BACH2: variants seen among roughly 807,000 people sequenced by gnomAD.
BACH2 encodes transcription regulator protein BACH2.
BACH2 carries 5 observed loss-of-function variants against 61.8 expected under a neutral mutation model. The ratio of observed to expected loss-of-function variants is 0.08; its 90% confidence interval spans 0.04 to 0.17. The LOEUF (loss-of-function observed/expected upper bound fraction) is 0.17, where lower values mean the gene tolerates loss of function less well. BACH2 is among the 10% of genes least tolerant of loss of function. The pLI is 1.00. For missense variants in BACH2, 824 were observed against 1,091.1 expected (o/e 0.76, Z 3.45); for synonymous variants, 446 against 440.1 (o/e 1.01, Z -0.17).
intron 5 of BACH2, among the ~76,000 whole-genome samples, chr6:90,034,663 A>G (rs1204606492): frequency 6.6e-6 from 1 of 152,198 alleles, no homozygotes. Context: ...ACTGATTTCT[A>G]TAATTACAGA....
chr6:90,285,828 A>C (rs1359989412), intron 1 of BACH2, among the ~76,000 whole-genome samples: 1 of 152,202 alleles, frequency 6.6e-6, no homozygotes, highest in Non-Finnish European at 1.5e-5. Context: ...GTCAGCAAGC[A>C]CTGCTGGTAG....
chr6:90,092,315 T>TATATATATATAC (rs142761642), intron 4 of BACH2, among the ~76,000 whole-genome samples: 1,979 of 110,302 alleles, frequency 0.018, 35 homozygotes, highest in East Asian at 0.065. Flanking sequence ...TATATATATA[T>TATATATATATAC]ACACACACAC....
At chr6:90,179,029 C>T (rs1035764875) in intron 4 of BACH2, among the ~76,000 whole-genome samples, 3 of 152,150 alleles carry the variant, frequency 2.0e-5, no homozygotes, top group Admixed American at 6.5e-5. Context: ...TATGTTCTCC[C>T]CTTTTTACAG....
chr6:89,927,986 G>A lies in BACH2; in HGVS notation c.*4422C>T, dbSNP rs185638578. The A allele has an allele frequency of 2.6e-5, 4 of 152,448 alleles. No homozygotes were observed. The highest frequency in any genetic ancestry group is 1.9e-4 in the East Asian group (1 of 5,320). 9.4% of individuals were successfully genotyped at this position (152,448 alleles called of 1,614,324 possible). The stretch of plus-strand genomic sequence containing the variant: ...CAACACACAATGCCTCGTGCACACA[G>A]ATTTCCTGTATGAATACCAACTCCA... On this transcript the variant is annotated 3_prime_UTR_variant, in exon 9 of 9. Coordinates refer to ENST00000257749, the MANE Select transcript of BACH2 (RefSeq NM_021813.4).
At chr6:89,955,291 G>A (rs1774363771) in intron 6 of BACH2, among the ~76,000 whole-genome samples, 1 of 152,210 alleles carries the variant, frequency 6.6e-6, no homozygotes, top group Non-Finnish European at 1.5e-5. Context: ...AGAGATCTAA[G>A]ATTTAGCTTT....
chr6:90,142,681 T>C (rs1458158636), intron 4 of BACH2, among the ~76,000 whole-genome samples: 2 of 152,184 alleles, frequency 1.3e-5, no homozygotes, highest in Non-Finnish European at 2.9e-5. Flanking sequence ...ATATTTCATG[T>C]ATACACAATG....
intron 8 of BACH2, among the ~76,000 whole-genome samples, chr6:89,936,930 T>C (rs1170647446): frequency 1.3e-5 from 2 of 152,066 alleles, no homozygotes; most frequent in Non-Finnish European, 2.9e-5. Context: ...GACACAGACA[T>C]GGCACCTGAG....
At chr6:90,037,771 G>A (rs1779331641) in intron 5 of BACH2, among the ~76,000 whole-genome samples, 1 of 152,282 alleles carries the variant, frequency 6.6e-6, no homozygotes, top group African/African-American at 2.4e-5. Context: ...TAATATCATT[G>A]CAGATGTAAT....
chr6:90,220,782 A>C (rs1415389809), intron 3 of BACH2, among the ~76,000 whole-genome samples: 1 of 152,226 alleles, frequency 6.6e-6, no homozygotes, highest in Non-Finnish European at 1.5e-5. Context: ...GCCAAGAAAA[A>C]CAATAACAGC....
chr6:90,265,231 A>G (rs1771285342), intron 2 of BACH2, among the ~76,000 whole-genome samples: 1 of 152,204 alleles, frequency 6.6e-6, no homozygotes, highest in African/African-American at 2.4e-5. Flanking sequence ...GAGAGAGAGC[A>G]TGGTGGAGGA....
At chr6:90,134,202 T>C (rs1020336943) in intron 4 of BACH2, among the ~76,000 whole-genome samples, 5 of 152,196 alleles carry the variant, frequency 3.3e-5, no homozygotes, top group Non-Finnish European at 7.3e-5. Context: ...CCAGCACCTG[T>C]TGTTTCCTGA....
chr6:90,231,680 T>C (rs1258891085), intron 3 of BACH2, among the ~76,000 whole-genome samples: 1 of 152,214 alleles, frequency 6.6e-6, no homozygotes, highest in Non-Finnish European at 1.5e-5. Flanking sequence ...CAATTTGAAA[T>C]GTCAGCTGCC....
intron 5 of BACH2, among the ~76,000 whole-genome samples, chr6:90,061,969 G>A (rs1032115703): frequency 6.6e-6 from 1 of 152,202 alleles, no homozygotes; most frequent in Non-Finnish European, 1.5e-5. Flanking sequence ...AAAGGGAGCA[G>A]TAAAGTGGAG....
At chr6:89,992,117 C>T (rs1414313969) in intron 6 of BACH2, among the ~76,000 whole-genome samples, 3 of 152,156 alleles carry the variant, frequency 2.0e-5, no homozygotes, top group African/African-American at 7.2e-5. Context: ...TCTGTTGCCA[C>T]CTACTTTCTA....
chr6:90,094,176 C>T (rs1431440582), intron 4 of BACH2, among the ~76,000 whole-genome samples: 1 of 152,168 alleles, frequency 6.6e-6, no homozygotes, highest in African/African-American at 2.4e-5. Flanking sequence ...AAGTGGGTCT[C>T]CAGCTGCAAA....
Position 90,296,556 on chromosome 6 carries a change from CGGCGAGGTG to C in BACH2, c.-531_-523del, listed in dbSNP as rs1772401211. 1 of 151,838 alleles carries C rather than the reference CGGCGAGGTG, an allele frequency of 6.6e-6. No homozygotes were observed. Among genetic ancestry groups the C allele is most frequent in the South Asian group, 2.1e-4 (1 of 4,830 alleles). The allele number at this position is 151,838 out of a possible 1,614,324, so 9.4% of individuals were successfully genotyped here. On this transcript the variant is annotated 5_prime_UTR_variant, in exon 1 of 9. Transcript: ENST00000257749. The stretch of plus-strand genomic sequence containing the variant: ...CGGCTCGCAGCCCCCTCCCGGCAGC[CGGCGAGGTG>C]GGCAGTTCGTGGGTCACCGAAAGCT...
At chr6:89,998,062 A>G (rs2127777234) in intron 6 of BACH2, among the ~76,000 whole-genome samples, 1 of 152,344 alleles carries the variant, frequency 6.6e-6, no homozygotes, top group African/African-American at 2.4e-5. Flanking sequence ...AGATAAAATG[A>G]AATAGGTATT....
intron 4 of BACH2, among the ~76,000 whole-genome samples, chr6:90,118,888 T>C (rs1582385459): frequency 6.6e-6 from 1 of 152,134 alleles, no homozygotes; most frequent in Non-Finnish European, 1.5e-5. Context: ...ACTACCTATA[T>C]CTAGAAAATG....
chr6:90,248,512 C>G (rs11755527), intron 3 of BACH2, among the ~76,000 whole-genome samples: 56,107 of 151,926 alleles, frequency 0.37, 11,074 homozygotes, highest in Non-Finnish European at 0.45. Flanking sequence ...AAGGAGAAAG[C>G]AAAGTATGGA....
Sources: gnomAD v4.1 joint callset for allele counts (sites outside exome capture counted in the v4.1 genomes callset) on GRCh38, gnomAD v4.1.1 for gene constraint, MANE v1.5 for transcripts, NCBI Gene and HGNC (gene_info 2026-07-23, HGNC 2026-07-21) for gene names.